The following CECR2 variants were observed in gnomAD, a reference collection of about 807,000 sequenced individuals.
The protein encoded by CECR2 is CECR2 histone acetyl-lysine reader.
A neutral mutation model predicts 154.5 loss-of-function variants in CECR2; 30 were observed. The observed-to-expected ratio is 0.19, with a 90% confidence interval of 0.15 to 0.26. The LOEUF (loss-of-function observed/expected upper bound fraction) is 0.26. Among genes scored for constraint, CECR2 ranks in the 10% least tolerant of loss-of-function variants. CECR2 has a pLI of 1.00. For synonymous variants in CECR2, 725 were observed against 683.7 expected (o/e 1.06, Z -0.94); for missense variants, 1,743 against 1,829.3 (o/e 0.95, Z 0.86).
intron 6 of CECR2, among the ~76,000 whole-genome samples, chr22:17,504,089 A>G (rs568839909): frequency 6.7e-6 from 1 of 149,042 alleles, no homozygotes; most frequent in African/African-American, 2.5e-5. Context: ...ATTTAAAAGT[A>G]GGCCAGGTGC....
At chr22:17,367,635 C>T (rs1252480275), upstream of CECR2, among the ~76,000 whole-genome samples, 1 of 152,192 alleles carries the variant, frequency 6.6e-6, no homozygotes, top group East Asian at 1.9e-4. Context: ...GAACCACCCG[C>T]CTCGGCCTCC....
At chr22:17,530,940 G>A (rs969578601) in intron 9 of CECR2, among the ~76,000 whole-genome samples, 2 of 152,152 alleles carry the variant, frequency 1.3e-5, no homozygotes. Flanking sequence ...AGTGTTTAAC[G>A]TTACAGACTG....
chr22:17,548,614 G>A lies in CECR2; in HGVS notation c.3327G>A (p.Thr1109=), dbSNP rs751868810. Residue 1109 remains threonine (T), a synonymous_variant, in exon 17 of 19, where the codon ACG becomes ACA. Coordinates refer to ENST00000262608, the MANE Select transcript of CECR2 (RefSeq NM_001290047.2). ...CGCCCAGCACAGACCCCGGTTTGACGGGAGGCACTGTGAGCCAGTTTCCCC... is the reference window on the plus strand; with the variant it reads ...CGCCCAGCACAGACCCCGGTTTGACAGGAGGCACTGTGAGCCAGTTTCCCC... ...ATPPSTDPGL[T]GGTVSQFPPL... The A allele has an allele frequency of 3.5e-5, 57 of 1,613,062 alleles. No individual in the cohort carries two copies. Among genetic ancestry groups the A allele is most frequent in the East Asian group, 8.9e-5 (4 of 44,832 alleles).
intron 5 of CECR2, 23 bp from the exon 6 acceptor site, chr22:17,503,059 C>T: frequency 6.2e-7 from 1 of 1,607,106 alleles, no homozygotes; most frequent in Non-Finnish European, 8.5e-7. Context: ...TTTTAATTGG[C>T]ACCTCTTTTT....
intron 1 of CECR2, among the ~76,000 whole-genome samples, chr22:17,438,247 AG>A (rs1229709764): frequency 2.6e-5 from 4 of 152,226 alleles, no homozygotes; most frequent in African/African-American, 4.8e-5. Flanking sequence ...CAACCTGAAC[AG>A]GGCTTATCTT....
intron 1 of CECR2, among the ~76,000 whole-genome samples, chr22:17,376,013 C>T (rs1196148177): frequency 1.3e-5 from 2 of 151,412 alleles, no homozygotes; most frequent in Non-Finnish European, 2.9e-5. Flanking sequence ...ATGTAACATA[C>T]TAGAGGATAA....
intron 14 of CECR2, 59 bp downstream of exon 14, chr22:17,540,859 T>C: frequency 3.4e-6 from 5 of 1,473,264 alleles, no homozygotes; most frequent in Non-Finnish European, 4.5e-6. Context: ...CATAGTAATG[T>C]AGAGGCCATT....
At chr22:17,511,006 A>G (rs914155620) in intron 7 of CECR2, among the ~76,000 whole-genome samples, 2 of 152,140 alleles carry the variant, frequency 1.3e-5, no homozygotes, top group South Asian at 2.1e-4. Flanking sequence ...GTCATTTTCT[A>G]TCCTATAATT....
At chr22:17,541,700 A>G in intron 14 of CECR2, 139 bp from the exon 15 acceptor site, 8 of 1,015,560 alleles carry the variant, frequency 7.9e-6, no homozygotes, top group Non-Finnish European at 1.1e-5. Context: ...ACGTGTGTTC[A>G]CAGTCTCCCT....
chr22:17,420,809 T>G (rs2054234365), intron 1 of CECR2, among the ~76,000 whole-genome samples: 1 of 152,034 alleles, frequency 6.6e-6, no homozygotes, highest in Non-Finnish European at 1.5e-5. Context: ...CATTTATCAC[T>G]TATTATCTTA....
intron 1 of CECR2, among the ~76,000 whole-genome samples, chr22:17,423,887 G>T (rs558362003): frequency 1.3e-4 from 20 of 152,216 alleles, no homozygotes; most frequent in Middle Eastern, 3.4e-3. Context: ...TTGTTAAGTC[G>T]GACTTCCAAA....
chr22:17,552,626 T>C (rs969219099), intron 18 of CECR2, among the ~76,000 whole-genome samples: 5 of 152,040 alleles, frequency 3.3e-5, no homozygotes, highest in African/African-American at 1.2e-4. Context: ...AGTGTGCAAG[T>C]CCTACTACTG....
At chr22:17,457,086 G>T (rs1180503359) in intron 1 of CECR2, among the ~76,000 whole-genome samples, 2 of 152,234 alleles carry the variant, frequency 1.3e-5, no homozygotes, top group Non-Finnish European at 2.9e-5. Flanking sequence ...GAGTGCAGTG[G>T]CACTATCTCT....
chr22:17,406,574 G>C (rs952561981), intron 1 of CECR2, among the ~76,000 whole-genome samples: 8 of 151,562 alleles, frequency 5.3e-5, no homozygotes, highest in African/African-American at 1.7e-4. Context: ...GTATTCTGCT[G>C]TTCTTGGCTA....
chr22:17,448,980 G>A (rs1192162201), intron 1 of CECR2, among the ~76,000 whole-genome samples: 3 of 152,046 alleles, frequency 2.0e-5, no homozygotes, highest in Non-Finnish European at 4.4e-5. Flanking sequence ...CTGGATTCAA[G>A]TGATTCTTTT....
intron 1 of CECR2, among the ~76,000 whole-genome samples, chr22:17,476,459 A>G (rs910742879): frequency 1.3e-5 from 2 of 151,544 alleles, no homozygotes; most frequent in Middle Eastern, 3.4e-3. Context: ...ACAGGGTATG[A>G]CCATGTTGGC....
chr22:17,393,002 T>C (rs947646612), intron 1 of CECR2, among the ~76,000 whole-genome samples: 12 of 152,334 alleles, frequency 7.9e-5, no homozygotes, highest in African/African-American at 2.6e-4. Context: ...ATCACGCCAC[T>C]GCACTGCAGC....
rs1173237353 is a variant in CECR2, at chr22:17,494,498, G to C, written c.222-2905G>C. Among the ~76,000 whole-genome samples the C allele has an allele frequency of 3.3e-5, 5 of 152,306 alleles. 1 individual carries two copies. The highest frequency in any genetic ancestry group is 4.8e-5 in the African/African-American group (2 of 41,574). Reference sequence around the variant, plus strand: ...AGGCAGCCAGTCCAAACCCTGCAAGGTTCAAGCACTCAGTAATGGCCGGTG... The same window carrying C: ...AGGCAGCCAGTCCAAACCCTGCAAGCTTCAAGCACTCAGTAATGGCCGGTG... On this transcript the variant is annotated intron_variant, in intron 2 of 18. Coordinates refer to ENST00000262608, the MANE Select transcript of CECR2 (RefSeq NM_001290047.2).
intron 8 of CECR2, among the ~76,000 whole-genome samples, chr22:17,514,978 G>A (rs554398020): frequency 6.7e-6 from 1 of 148,906 alleles, no homozygotes; most frequent in African/African-American, 2.5e-5. Context: ...AGCCAAGATC[G>A]CACCACTGCA....
Sources: allele counts gnomAD v4.1 joint callset (sites outside exome capture counted in the v4.1 genomes callset), GRCh38; gene constraint gnomAD v4.1.1; transcripts MANE v1.5; gene names NCBI Gene and HGNC (gene_info 2026-07-23, HGNC 2026-07-21).